STK3: variants seen among roughly 807,000 people sequenced by gnomAD.
STK3 encodes the protein serine/threonine kinase 3, also known as serine/threonine-protein kinase 3.
Under a neutral mutation model 58.0 loss-of-function variants are expected in STK3, and 41 were observed. That is an observed-to-expected ratio of 0.71 (90% CI 0.55 to 0.92). The LOEUF (loss-of-function observed/expected upper bound fraction) is 0.92, where lower values mean the gene tolerates loss of function less well. Among genes scored for constraint, STK3 ranks in the 40% least tolerant of loss-of-function variants. The pLI, the probability that STK3 is intolerant of heterozygous loss-of-function variation, is 0.00. For synonymous variants in STK3, 170 were observed against 191.0 expected (o/e 0.89, Z 0.91); for missense variants, 479 against 602.7 (o/e 0.79, Z 2.15).
At chr8:98,867,783 A>G (rs1013599260) in intron 3 of STK3, among the ~76,000 whole-genome samples, 4 of 152,192 alleles carry the variant, frequency 2.6e-5, no homozygotes, top group African/African-American at 9.7e-5. Context: ...ATAACAGTAC[A>G]TGCCTCACAG....
chr8:98,690,449 C>CAAA (rs34742964), intron 6 of STK3, among the ~76,000 whole-genome samples: 9 of 108,788 alleles, frequency 8.3e-5, no homozygotes, highest in Admixed American at 9.0e-5. Context: ...CAATTCCTAC[C>CAAA]AAAAAAAAAA....
rs78264824 is a variant in STK3, at chr8:98,851,961, C to A, written c.110+31686G>T. Among the ~76,000 whole-genome samples, 196 of 151,886 alleles carry A rather than the reference C, an allele frequency of 1.3e-3. 6 individuals are homozygous for A. The East Asian group carries it at 0.035, about 27-fold the overall frequency. On this transcript the variant is annotated intron_variant, in intron 3 of 12. Coordinates refer to the STK3 transcript ENST00000523601. ...TATGATTGTATCACTGTACTCCAGC[C>A]TTGGAAACAGAGTGAAATCTGCTCT... is the stretch of plus-strand genomic sequence containing the variant.
chr8:98,347,523 A>C, the STK3 span, among the ~76,000 whole-genome samples: 18 of 142,258 alleles, frequency 1.3e-4, no homozygotes, highest in East Asian at 5.8e-4. Flanking sequence ...TCAAAAAAAA[A>C]CAAAAAAAAC....
intron 3 of STK3, among the ~76,000 whole-genome samples, chr8:98,873,716 T>C (rs563570114): frequency 1.3e-5 from 2 of 152,334 alleles, no homozygotes; most frequent in South Asian, 2.1e-4. Flanking sequence ...TCCATCACTT[T>C]ATTTTGAGCC....
the STK3 span, among the ~76,000 whole-genome samples, chr8:98,356,432 G>A: frequency 6.6e-6 from 1 of 152,066 alleles, no homozygotes; most frequent in South Asian, 2.1e-4. Flanking sequence ...GTTCGCAAAA[G>A]GACAGAGGCC....
Position 98,565,500 on chromosome 8 carries a change from TCA to T in STK3, c.948+14162_948+14163del, listed in dbSNP as rs543569143. Among the ~76,000 whole-genome samples, 1,036 of 152,300 alleles carry T rather than the reference TCA, an allele frequency of 6.8e-3. 9 individuals carry two copies. The highest frequency in any genetic ancestry group is 0.023 in the African/African-American group (972 of 41,586). On this transcript the variant is annotated intron_variant, in intron 8 of 10. Transcript: ENST00000419617. Reference sequence around the variant, plus strand: ...ACCAAAAACTTTTTGCAGTTTCTTTTCAGAGTATTTTTAAAATATTTTACAAA... The same window carrying T: ...ACCAAAAACTTTTTGCAGTTTCTTTTGAGTATTTTTAAAATATTTTACAAA...
At chr8:98,927,586 CTAT>C (rs1839848277) in intron 1 of STK3, among the ~76,000 whole-genome samples, 1 of 152,164 alleles carries the variant, frequency 6.6e-6, no homozygotes, top group Non-Finnish European at 1.5e-5. Context: ...TAAGGTAATG[CTAT>C]TATTATCACC....
intron 2 of STK3, among the ~76,000 whole-genome samples, chr8:98,436,195 T>A (rs1818482224): frequency 2.0e-5 from 3 of 152,070 alleles, no homozygotes; most frequent in Admixed American, 2.0e-4. Flanking sequence ...TTCCCTCCCA[T>A]CACCCCATGG....
the STK3 span, among the ~76,000 whole-genome samples, chr8:98,361,550 G>A: frequency 6.6e-6 from 1 of 152,256 alleles, no homozygotes; most frequent in South Asian, 2.1e-4. Flanking sequence ...TGACACCTCT[G>A]AGCATTACAA....
At chr8:98,486,638 TGGAGGAAAAAAGG>T (rs1822288878) in intron 10 of STK3, among the ~76,000 whole-genome samples, 1 of 151,704 alleles carries the variant, frequency 6.6e-6, no homozygotes, top group African/African-American at 2.4e-5. Flanking sequence ...AAGGAAATGG[TGGAGGAAAAAAGG>T]GGAGGTGAGG....
intron 6 of STK3, among the ~76,000 whole-genome samples, chr8:98,642,190 G>A (rs1820074592): frequency 6.6e-6 from 1 of 152,114 alleles, no homozygotes. Flanking sequence ...CATGACATAT[G>A]GAGTACACTT....
At chr8:98,411,537 C>T (rs1052195434) in intron 3 of STK3, among the ~76,000 whole-genome samples, 1 of 152,246 alleles carries the variant, frequency 6.6e-6, no homozygotes, top group Non-Finnish European at 1.5e-5. Context: ...TGCCCTGCCC[C>T]TGCCACATCA....
At chr8:98,433,361 T>A (rs1242905855) in intron 3 of STK3, among the ~76,000 whole-genome samples, 1 of 152,156 alleles carries the variant, frequency 6.6e-6, no homozygotes, top group Non-Finnish European at 1.5e-5. Flanking sequence ...TGGGGAACCC[T>A]GAGTGTCCTG....
At chr8:98,659,635 A>G (rs1398936564) in intron 6 of STK3, among the ~76,000 whole-genome samples, 1 of 151,970 alleles carries the variant, frequency 6.6e-6, no homozygotes, top group Non-Finnish European at 1.5e-5. Context: ...GCATGCTAGT[A>G]GAAAAGAATT....
At chr8:98,711,049 C>A (rs538654648) in intron 4 of STK3, among the ~76,000 whole-genome samples, 377 of 152,284 alleles carry the variant, frequency 2.5e-3, no homozygotes, top group African/African-American at 8.5e-3. Context: ...GGACCTCCAG[C>A]AAACTCCAAC....
chr8:98,909,269 C>G (rs1306835081), intron 1 of STK3, among the ~76,000 whole-genome samples: 2 of 152,140 alleles, frequency 1.3e-5, no homozygotes, highest in Non-Finnish European at 2.9e-5. Flanking sequence ...AAGCTACAAC[C>G]AACCAGTTAT....
chr8:98,577,632 A>G (rs559816465), intron 8 of STK3, among the ~76,000 whole-genome samples: 1 of 152,318 alleles, frequency 6.6e-6, no homozygotes, highest in African/African-American at 2.4e-5. Context: ...TGAATGAGCC[A>G]TCCTGGAAGT....
At chr8:98,680,926 A>T (rs1823583600) in intron 6 of STK3, among the ~76,000 whole-genome samples, 1 of 151,786 alleles carries the variant, frequency 6.6e-6, no homozygotes, top group Non-Finnish European at 1.5e-5. Flanking sequence ...TATGTTTTAC[A>T]TCAGTTTTAA....
chr8:98,825,315 G>A (rs919757543), intron 1 of STK3, among the ~76,000 whole-genome samples, 200 bp downstream of exon 1: 5 of 152,060 alleles, frequency 3.3e-5, no homozygotes, highest in Admixed American at 6.5e-5. Flanking sequence ...CGCAGGGGAG[G>A]CTCCGGCTCC....
Sources: allele counts gnomAD v4.1 joint callset (sites outside exome capture counted in the v4.1 genomes callset), GRCh38; gene constraint gnomAD v4.1.1; transcripts MANE v1.5; gene names NCBI Gene and HGNC (gene_info 2026-07-23, HGNC 2026-07-21).